The following HPS4 variants were observed in gnomAD, a reference collection of about 807,000 sequenced individuals.
HPS4 encodes HPS4 biogenesis of lysosomal organelles complex 3 subunit 2, also known as BLOC-3 complex member HPS4.
HPS4 carries 44 observed loss-of-function variants against 70.3 expected under a neutral mutation model. The observed-to-expected ratio is 0.63, with a 90% CI of 0.49 to 0.80. HPS4 has a LOEUF of 0.80. HPS4 is among the 30% of genes least tolerant of loss of function. The pLI is 0.00. For synonymous variants in HPS4, 377 were observed against 355.9 expected (o/e 1.06, Z -0.67); for missense variants, 873 against 884.4 (o/e 0.99, Z 0.16).
chr22:26,481,686 A>AG, intron 2 of HPS4, 36 bp downstream of exon 2: 3 of 1,607,402 alleles, frequency 1.9e-6, no homozygotes, highest in Non-Finnish European at 2.6e-6. Flanking sequence ...CCAACAGCCC[A>AG]GCAAAAGCTA....
intron 11 of HPS4, 123 bp from the exon 12 acceptor site, chr22:26,458,700 T>C: frequency 8.5e-7 from 1 of 1,173,936 alleles, no homozygotes; most frequent in Non-Finnish European, 1.2e-6. Context: ...CTCACACCTG[T>C]AATCCCAGTG....
chr22:26,446,714 A>G (rs2084965266), downstream of HPS4, among the ~76,000 whole-genome samples: 1 of 152,102 alleles, frequency 6.6e-6, no homozygotes, highest in South Asian at 2.1e-4. Flanking sequence ...TGGTCTCTAG[A>G]GGACAGTCAC....
At chr22:26,454,885 GA>G (rs2085815851) in intron 13 of HPS4, among the ~76,000 whole-genome samples, 2 of 151,638 alleles carry the variant, frequency 1.3e-5, no homozygotes, top group East Asian at 1.9e-4. Flanking sequence ...AAATTTACAA[GA>G]AAAAAACAAA....
downstream of HPS4, chr22:26,443,842 TCTAAA>T (rs2084881117): frequency 6.6e-6 from 1 of 152,162 alleles, no homozygotes; most frequent in Non-Finnish European, 1.5e-5. Context: ...CTCACCTCAT[TCTAAA>T]CCTTGTCAGG....
chr22:26,458,656 G>A (rs1425583138), intron 11 of HPS4, 79 bp from the exon 12 acceptor site: 5 of 1,545,116 alleles, frequency 3.2e-6, no homozygotes, highest in Non-Finnish European at 4.4e-6. Flanking sequence ...CACAGACTTA[G>A]TTAAAAAAAA....
At chr22:26,465,662 G>A (rs1469844337) in intron 9 of HPS4, 111 bp from the exon 10 acceptor site, 3 of 824,014 alleles carry the variant, frequency 3.6e-6, no homozygotes, top group South Asian at 1.4e-5. Context: ...TCGGAAAGGG[G>A]TGCTGTGAGT....
At chr22:26,458,890 CCAA>C (rs1216657010) in intron 11 of HPS4, among the ~76,000 whole-genome samples, 1 of 151,430 alleles carries the variant, frequency 6.6e-6, no homozygotes, top group Non-Finnish European at 1.5e-5. Context: ...TGGACTCTCA[CCAA>C]CATTTTTCTT....
At position 26,464,436 on chromosome 22, in the gene HPS4, C is replaced by T; in HGVS notation, c.1194G>A (p.Arg398=). ...TGAGAGATGCCTTGCAGTAAGGAGCCCTGCCATCTGGAACAGGCACATGTA... is the reference window on the plus strand; with the variant it reads ...TGAGAGATGCCTTGCAGTAAGGAGCTCTGCCATCTGGAACAGGCACATGTA... The part of the protein sequence containing the change: ...AFLHVPVPDG[R]APYCKASLSA... The change falls in exon 11 of 14, where the codon AGG becomes AGA. Residue 398 remains arginine (R), a synonymous_variant. Coordinates refer to ENST00000398145, the MANE Select transcript of HPS4 (RefSeq NM_022081.6). The T allele has an allele frequency of 1.2e-6, 2 of 1,614,188 alleles. No homozygotes were observed. Among genetic ancestry groups the T allele is most frequent in the South Asian group, 1.1e-5 (1 of 91,082 alleles).
intron 6 of HPS4, 86 bp downstream of exon 6, chr22:26,472,216 G>T: frequency 1.1e-6 from 1 of 888,400 alleles, no homozygotes; most frequent in South Asian, 1.3e-5. Context: ...CACTTTTCCA[G>T]ATATAGTTCA....
At chr22:26,463,818 C>T (rs562049003) in intron 11 of HPS4, 99 bp downstream of exon 11, 10 of 1,276,550 alleles carry the variant, frequency 7.8e-6, no homozygotes, top group Non-Finnish European at 1.1e-5. Flanking sequence ...GAGGGCTGAG[C>T]CTTTATCTCT....
chr22:26,470,702 G>A lies in HPS4; in HGVS notation c.596+17C>T, dbSNP rs745389531. 3 of 1,610,852 alleles carry A rather than the reference G, an allele frequency of 1.9e-6. No homozygotes were observed. Among genetic ancestry groups the A allele is most frequent in the South Asian group, 1.1e-5 (1 of 90,972 alleles). On this transcript the variant is annotated intron_variant, in intron 7 of 13. Coordinates refer to ENST00000398145, the MANE Select transcript of HPS4 (RefSeq NM_022081.6). ...CAAGGGAATGGGGCTGGAAGAAAGG[G>A]GTCTGGAGTTACTCACAGTCCTTTA...
intron 5 of HPS4, 87 bp downstream of exon 5, chr22:26,472,745 C>T: frequency 9.8e-7 from 1 of 1,025,342 alleles, no homozygotes; most frequent in Non-Finnish European, 1.6e-6. Context: ...ATGAAGTATA[C>T]AAGACCCCAG....
chr22:26,446,577 C>T (rs548447321), downstream of HPS4, among the ~76,000 whole-genome samples: 85 of 152,226 alleles, frequency 5.6e-4, no homozygotes, highest in Middle Eastern at 3.4e-3. Context: ...ATGATTCTAA[C>T]GTGTAGCTCA....
chr22:26,443,168 C>T (rs547974941), downstream of HPS4: 1 of 1,614,104 alleles, frequency 6.2e-7, no homozygotes, highest in Non-Finnish European at 8.5e-7. Flanking sequence ...AGCGGCCGAA[C>T]GGCAGGCTCT....
chr22:26,452,218 CAAATG>C lies in HPS4; in HGVS notation c.*1010_*1014del. 2 of 375,970 alleles carry C rather than the reference CAAATG, an allele frequency of 5.3e-6. No homozygotes were observed. Among genetic ancestry groups the C allele is most frequent in the South Asian group, 4.0e-5 (2 of 49,676 alleles). The allele number at this position is 375,970 out of a possible 1,614,324, so 23.3% of individuals were successfully genotyped here. ...ATGAAATTATTAACAATACAACTCTCAAATGGAATCTCAAGTACTTCCAGTAAACA... is the reference window on the plus strand; with the variant it reads ...ATGAAATTATTAACAATACAACTCTCGAATCTCAAGTACTTCCAGTAAACA... On this transcript the variant is annotated 3_prime_UTR_variant, in exon 14 of 14. Coordinates refer to ENST00000398145, the MANE Select transcript of HPS4 (RefSeq NM_022081.6).
downstream of HPS4, among the ~76,000 whole-genome samples, chr22:26,447,555 C>G (rs2084995482): frequency 6.6e-6 from 1 of 152,042 alleles, no homozygotes; most frequent in Non-Finnish European, 1.5e-5. Flanking sequence ...TACACATTGT[C>G]AGGATGTAAA....
At position 26,477,241 on chromosome 22, in the gene HPS4, C is replaced by T. The variant is rs148957047; in HGVS notation, c.133-105G>A. 234 of 1,200,180 alleles carry T rather than the reference C, an allele frequency of 1.9e-4. No individual in the cohort carries two copies. The African/African-American group carries it at 2.3e-3, about 12-fold the overall frequency. 74.3% of individuals were successfully genotyped at this position (1,200,180 alleles called of 1,614,324 possible). A position where few individuals can be genotyped will look rare whatever the true frequency, so the allele number is the denominator to read the frequency against. ...TGCAAGCCAAATCCAGTCTGTTACC[C>T]GTTTTCCTATGGCCTGTAAGCTAAG... On this transcript the variant is annotated intron_variant, in intron 3 of 13. Coordinates refer to ENST00000398145, the MANE Select transcript of HPS4 (RefSeq NM_022081.6).
At chr22:26,466,116 A>G (rs1203162238) in intron 9 of HPS4, 110 bp downstream of exon 9, 2 of 1,611,026 alleles carry the variant, frequency 1.2e-6, no homozygotes, top group East Asian at 2.2e-5. Flanking sequence ...TATTATGAGC[A>G]GAGGAAATAA....
intron 6 of HPS4, among the ~76,000 whole-genome samples, chr22:26,471,739 A>T (rs2089840906): frequency 6.6e-6 from 1 of 152,144 alleles, no homozygotes; most frequent in Non-Finnish European, 1.5e-5. Context: ...TCGCAGTGAG[A>T]CACAGGAGAG....
Sources: allele counts gnomAD v4.1 joint callset (sites outside exome capture counted in the v4.1 genomes callset), GRCh38; gene constraint gnomAD v4.1.1; transcripts MANE v1.5; gene names NCBI Gene and HGNC (gene_info 2026-07-23, HGNC 2026-07-21).